Variants in FAM124A observed in about 807,000 individuals in gnomAD.
FAM124A encodes family with sequence similarity 124 member A.
In FAM124A, 23 loss-of-function variants were observed where a neutral mutation model predicts 24.5. The observed-to-expected ratio is 0.94, with a 90% confidence interval of 0.68 to 1.33. The LOEUF is 1.33. Ranked by LOEUF, FAM124A falls within the 40% of genes most tolerant of loss-of-function variation. FAM124A has a pLI of 0.00. For missense variants in FAM124A, 623 were observed against 722.8 expected (o/e 0.86, Z 1.58); for synonymous variants, 287 against 314.7 (o/e 0.91, Z 0.93).
At chr13:51,274,761 A>G (rs1225512518) in intron 3 of FAM124A, among the ~76,000 whole-genome samples, 1 of 152,216 alleles carries the variant, frequency 6.6e-6, no homozygotes, top group Non-Finnish European at 1.5e-5. Context: ...TCAGGAATAT[A>G]TTGAGTGCTT....
intron 3 of FAM124A, among the ~76,000 whole-genome samples, chr13:51,269,917 G>C (rs1034521671): frequency 1.3e-5 from 2 of 152,196 alleles, no homozygotes; most frequent in Non-Finnish European, 2.9e-5. Flanking sequence ...TGGAGGGTTA[G>C]TTTAATCCCA....
At chr13:51,263,789 G>T (rs1954759582) in intron 3 of FAM124A, among the ~76,000 whole-genome samples, 1 of 152,146 alleles carries the variant, frequency 6.6e-6, no homozygotes, top group African/African-American at 2.4e-5. Context: ...AAATTTCAGT[G>T]AATATATACA....
chr13:51,251,701 G>T lies in FAM124A; in HGVS notation c.334G>T (p.Gly112Cys). ...AVVLFLQEEY[G>C]EEQILQLHRT... is the part of the protein sequence containing the mutation. ...GGTGCTGTTCCTGCAGGAGGAGTAC[G>T]GCGAAGAGCAGATCCTGCAGCTGCA... The change falls in exon 3 of 4, where the codon GGC (glycine) becomes TGC (cysteine). Residue 112 changes from glycine (G) to cysteine (C), a missense_variant. Physicochemically the swap from Gly to Cys is radical, Grantham distance 159 (BLOSUM62 -3). Coordinates refer to ENST00000322475, the MANE Select transcript of FAM124A (RefSeq NM_001242312.2). This position sits in a 1 kb window ranked among gnomAD's most constrained non-coding sequence, Gnocchi z 5.3. The T allele has an allele frequency of 1.3e-6, 2 of 1,587,702 alleles. No homozygotes were observed.
chr13:51,224,764 T>C (rs1277622005), intron 1 of FAM124A, among the ~76,000 whole-genome samples: 1 of 152,216 alleles, frequency 6.6e-6, no homozygotes, highest in African/African-American at 2.4e-5. Flanking sequence ...CCTTTCAAAC[T>C]TTTATGGCTC....
intron 3 of FAM124A, among the ~76,000 whole-genome samples, chr13:51,254,354 T>C (rs1954654932): frequency 6.6e-6 from 1 of 152,200 alleles, no homozygotes; most frequent in Admixed American, 6.5e-5. Context: ...TTTGGGGACT[T>C]CCTCCTCCCA....
At chr13:51,248,712 CTCTT>C (rs1954589961) in intron 2 of FAM124A, among the ~76,000 whole-genome samples, 2 of 152,204 alleles carry the variant, frequency 1.3e-5, no homozygotes, top group African/African-American at 4.8e-5. Context: ...CCACTGCTGT[CTCTT>C]TCTCCTGCCC....
chr13:51,265,771 GC>G (rs1442417598), intron 3 of FAM124A, among the ~76,000 whole-genome samples: 2 of 152,174 alleles, frequency 1.3e-5, no homozygotes, highest in East Asian at 3.9e-4. Context: ...TTTGGTAGCT[GC>G]CCAGGGCCTT....
chr13:51,278,487 TCCGCCCATATGCAAGC>T (rs959051706), intron 3 of FAM124A, among the ~76,000 whole-genome samples: 1 of 152,162 alleles, frequency 6.6e-6, no homozygotes, highest in Non-Finnish European at 1.5e-5. Context: ...TACCACCAGA[TCCGCCCATATGCAAGC>T]CCTGCAGTCA....
chr13:51,224,073 G>A (rs1954290986), intron 1 of FAM124A, among the ~76,000 whole-genome samples: 1 of 152,172 alleles, frequency 6.6e-6, no homozygotes, highest in East Asian at 1.9e-4. Flanking sequence ...GCATGACAGC[G>A]GCCAGGCCTC....
intron 1 of FAM124A, among the ~76,000 whole-genome samples, chr13:51,230,130 G>A (rs1954359547): frequency 6.6e-6 from 1 of 152,052 alleles, no homozygotes; most frequent in Non-Finnish European, 1.5e-5. Flanking sequence ...TGCAAATGTT[G>A]GTAGTTGTTA....
chr13:51,273,114 C>T (rs1954854026), intron 3 of FAM124A, among the ~76,000 whole-genome samples: 1 of 152,070 alleles, frequency 6.6e-6, no homozygotes, highest in Non-Finnish European at 1.5e-5. Context: ...GAACTTAGAC[C>T]CCCAGGTTTA....
At chr13:51,235,062 A>G (rs964530301) in intron 2 of FAM124A, among the ~76,000 whole-genome samples, 1 of 149,710 alleles carries the variant, frequency 6.7e-6, no homozygotes, top group Admixed American at 6.8e-5. Context: ...GGGCTTCTTT[A>G]ATGGATGGTT....
intron 2 of FAM124A, among the ~76,000 whole-genome samples, chr13:51,250,344 G>T (rs182053369): frequency 6.6e-6 from 1 of 152,326 alleles, no homozygotes; most frequent in East Asian, 1.9e-4. Flanking sequence ...GATTCTAGGT[G>T]AATCTAGCCC....
intron 1 of FAM124A, 77 bp from the exon 2 acceptor site, chr13:51,231,271 A>T: frequency 6.5e-7 from 1 of 1,527,358 alleles, no homozygotes; most frequent in Non-Finnish European, 9.1e-7. Flanking sequence ...GCTACTTACC[A>T]CTGACTGTTT....
Position 51,283,323 on chromosome 13 carries a change from G to A in FAM124A, c.*2067G>A, listed in dbSNP as rs1008096232. ...CCCAAAGCACTGGGATTACAGGCAT[G>A]AGCCACCATTCCCAGCCAATAAAAC... is the stretch of plus-strand genomic sequence containing the variant. On this transcript the variant is annotated 3_prime_UTR_variant, in exon 4 of 4. Coordinates refer to ENST00000322475, the MANE Select transcript of FAM124A (RefSeq NM_001242312.2). The A allele has an allele frequency of 6.6e-6, 1 of 152,212 alleles. No homozygotes were observed. The highest frequency in any genetic ancestry group is 2.4e-5 in the African/African-American group (1 of 41,448). The allele number at this position is 152,212 out of a possible 1,614,324, so 9.4% of individuals were successfully genotyped here.
rs540178538 is a variant in FAM124A at position 51,252,377 on chromosome 13, G to A, written c.834+176G>A. The A allele has an allele frequency of 5.9e-5, 47 of 800,774 alleles. No homozygotes were observed. In the East Asian group the frequency reaches 1.2e-3, roughly 20 times the overall value. 49.6% of individuals were successfully genotyped at this position (800,774 alleles called of 1,614,324 possible). On this transcript the variant is annotated intron_variant, in intron 3 of 3. Coordinates refer to ENST00000322475, the MANE Select transcript of FAM124A (RefSeq NM_001242312.2). Reference sequence around the variant, plus strand: ...ATACAGGATCCCAACAAAAGAGGGGGCAAGAAAGACTCTTCCCATTGGTTC... The same window carrying A: ...ATACAGGATCCCAACAAAAGAGGGGACAAGAAAGACTCTTCCCATTGGTTC...
At chr13:51,235,421 G>A (rs1356363290) in intron 2 of FAM124A, among the ~76,000 whole-genome samples, 3 of 152,078 alleles carry the variant, frequency 2.0e-5, no homozygotes, top group Non-Finnish European at 4.4e-5. Flanking sequence ...TAATGCTAAC[G>A]AAATTTGCAT....
At chr13:51,245,798 GC>G (rs1324224061) in intron 2 of FAM124A, among the ~76,000 whole-genome samples, 2 of 152,204 alleles carry the variant, frequency 1.3e-5, no homozygotes, top group African/African-American at 4.8e-5. Context: ...TATACATAAA[GC>G]TTGTAGGACA....
chr13:51,252,059 C>T lies in FAM124A; in HGVS notation c.692C>T (p.Pro231Leu), dbSNP rs1387342388. The T allele has an allele frequency of 3.1e-6, 5 of 1,613,990 alleles. No homozygotes were observed. The highest frequency in any genetic ancestry group is 2.2e-5 in the East Asian group (1 of 44,888). Residue 231 changes from proline (P) to leucine (L), a missense_variant, in exon 3 of 4, where the codon CCG (proline) becomes CTG (leucine). Pro to Leu is a moderately conservative substitution (Grantham distance 98, BLOSUM62 -3). Transcript: ENST00000322475. ...AAAAGACTGCCCTGTGACCAGTGCC[C>T]GGTGCCCACCGACTCCTCCGTGCTG... ...SLKRLPCDQCPVPTDSSVLEF... is the reference protein window; with the variant it reads ...SLKRLPCDQCLVPTDSSVLEF...
Sources: allele counts gnomAD v4.1 joint callset (sites outside exome capture counted in the v4.1 genomes callset), GRCh38; gene constraint gnomAD v4.1.1; non-coding constraint Gnocchi (gnomAD v3.1); transcripts MANE v1.5; gene names NCBI Gene and HGNC (gene_info 2026-07-23, HGNC 2026-07-21).